The following STPG4 variants were observed in gnomAD, a reference collection of about 807,000 sequenced individuals.
The protein encoded by STPG4 is sperm-tail PG-rich repeat containing 4.
A neutral mutation model predicts 31.5 loss-of-function variants in STPG4; 41 were observed. That is an observed-to-expected ratio of 1.30 (90% CI 1.01 to 1.69). The LOEUF (loss-of-function observed/expected upper bound fraction) is 1.69, where lower values mean the gene tolerates loss of function less well. Among genes scored for constraint, STPG4 ranks in the 40% most tolerant of loss-of-function variants. The pLI is 0.00. For missense variants in STPG4, 375 were observed against 293.4 expected (o/e 1.28, Z -2.03); for synonymous variants, 141 against 103.0 (o/e 1.37, Z -2.24).
Position 47,155,247 on chromosome 2 carries a change from T to TCCATG in STPG4, c.-1_4dup (p.Asp2AlafsTer14). Reference sequence around the variant, plus strand: ...GGAAGCGGTGGCGACGGCTGGCTGGTCCATGGTGGCCTCCTCTCTCTCTAG... The same window carrying TCCATG: ...GGAAGCGGTGGCGACGGCTGGCTGGTCCATGCCATGGTGGCCTCCTCTCTCTCTAG... On this transcript the variant is annotated frameshift_variant, in exon 1 of 7. Coordinates refer to ENST00000445927, the MANE Select transcript of STPG4 (RefSeq NM_001163561.2). LOFTEE classifies it high-confidence loss of function. The TCCATG allele has an allele frequency of 2.5e-6, 4 of 1,613,994 alleles. No individual in the cohort carries two copies. The highest frequency in any genetic ancestry group is 3.4e-6 in the Non-Finnish European group (4 of 1,179,956).
chr2:47,091,748 C>T (rs755568060), intron 5 of STPG4, among the ~76,000 whole-genome samples: 10 of 152,076 alleles, frequency 6.6e-5, no homozygotes, highest in East Asian at 3.9e-4. Flanking sequence ...TTTCACAAAA[C>T]GGAGTTTAAG....
intron 5 of STPG4, among the ~76,000 whole-genome samples, chr2:47,113,763 A>G (rs895700973): frequency 6.6e-6 from 1 of 152,036 alleles, no homozygotes; most frequent in African/African-American, 2.4e-5. Flanking sequence ...GGCCGGGCGC[A>G]GTGGCTCATG....
chr2:47,118,163 G>T (rs1686189839), intron 5 of STPG4, among the ~76,000 whole-genome samples: 1 of 152,128 alleles, frequency 6.6e-6, no homozygotes, highest in South Asian at 2.1e-4. Context: ...GGGTGGGCGA[G>T]CAAGGGAGTG....
chr2:47,126,758 T>A (rs1172817110), intron 5 of STPG4, among the ~76,000 whole-genome samples: 1 of 152,210 alleles, frequency 6.6e-6, no homozygotes, highest in African/African-American at 2.4e-5. Flanking sequence ...TATTTATCCT[T>A]CACATTTTAA....
chr2:47,146,051 G>C (rs149734883), intron 3 of STPG4, among the ~76,000 whole-genome samples: 4 of 152,186 alleles, frequency 2.6e-5, no homozygotes, highest in Non-Finnish European at 5.9e-5. Flanking sequence ...TGAGGTAGGA[G>C]TGTGAGTGCT....
At chr2:47,123,381 T>A (rs572755741) in intron 5 of STPG4, among the ~76,000 whole-genome samples, 17 of 152,346 alleles carry the variant, frequency 1.1e-4, no homozygotes, top group Admixed American at 9.8e-4. Flanking sequence ...AAATACTATG[T>A]GCCAGTCACT....
chr2:47,113,800 C>T (rs986488898), intron 5 of STPG4, among the ~76,000 whole-genome samples: 5 of 151,338 alleles, frequency 3.3e-5, no homozygotes, highest in South Asian at 2.1e-4. Flanking sequence ...TTTGGGAGGC[C>T]GAGGCAGGTG....
At chr2:47,146,116 T>A (rs893821413) in intron 3 of STPG4, among the ~76,000 whole-genome samples, 2 of 151,076 alleles carry the variant, frequency 1.3e-5, no homozygotes, top group Middle Eastern at 3.4e-3. Flanking sequence ...TGACAGGGAG[T>A]AGTAAGACAA....
At chr2:47,120,437 T>C (rs1249562044) in intron 5 of STPG4, among the ~76,000 whole-genome samples, 3 of 151,688 alleles carry the variant, frequency 2.0e-5, no homozygotes, top group Non-Finnish European at 4.4e-5. Context: ...AAATTTAGGA[T>C]AAGAATGTGG....
intron 3 of STPG4, among the ~76,000 whole-genome samples, chr2:47,132,958 T>A (rs1686516083): frequency 6.6e-6 from 1 of 152,176 alleles, no homozygotes; most frequent in African/African-American, 2.4e-5. Flanking sequence ...ACCTGTAACA[T>A]CTATATTTGT....
chr2:47,147,438 G>C (rs988326661), intron 3 of STPG4, among the ~76,000 whole-genome samples: 2 of 152,096 alleles, frequency 1.3e-5, no homozygotes, highest in African/African-American at 4.8e-5. Flanking sequence ...CGAAAAGGTG[G>C]GACAATCAAT....
chr2:47,142,464 TA>T (rs556882498), intron 3 of STPG4, among the ~76,000 whole-genome samples: 285 of 152,302 alleles, frequency 1.9e-3, no homozygotes, highest in African/African-American at 6.6e-3. Flanking sequence ...AGAATTTTTT[TA>T]AAATGGAACA....
At chr2:47,121,173 T>C (rs947132494) in intron 5 of STPG4, 2 of 154,260 alleles carry the variant, frequency 1.3e-5, no homozygotes, top group Admixed American at 6.6e-5. Context: ...GAAGGTCTGG[T>C]TGAATATTTT....
At chr2:47,127,423 C>A (rs1686388443) in intron 5 of STPG4, among the ~76,000 whole-genome samples, 1 of 152,036 alleles carries the variant, frequency 6.6e-6, no homozygotes, top group Non-Finnish European at 1.5e-5. Context: ...TGTGCACCAC[C>A]ACACTCAGAT....
chr2:47,087,106 T>TA lies in STPG4; in HGVS notation c.648dup (p.Thr217TyrfsTer8), dbSNP rs1467299861. On this transcript the variant is annotated frameshift_variant, in exon 7 of 7. Transcript: ENST00000445927. LOFTEE classifies it high-confidence loss of function. ...TGCTTAGGGAATTGTCTTAAAGTTG[T>TA]ATATGCTCCTGGGCCTGGGGTTTTC... 6.4e-7 allele frequency: 1 copy of TA among 1,551,830 alleles called. No individual in the cohort carries two copies. Among genetic ancestry groups the TA allele is most frequent in the Admixed American group, 2.0e-5 (1 of 51,006 alleles).
chr2:47,130,585 C>T (rs571977109), intron 3 of STPG4, among the ~76,000 whole-genome samples: 206 of 151,768 alleles, frequency 1.4e-3, no homozygotes, highest in Non-Finnish European at 2.4e-3. Flanking sequence ...GCGTGATTTC[C>T]GCTCGCTGCA....
At chr2:47,114,856 C>T (rs1205115971) in intron 5 of STPG4, among the ~76,000 whole-genome samples, 1 of 152,128 alleles carries the variant, frequency 6.6e-6, no homozygotes, top group African/African-American at 2.4e-5. Context: ...AAACCTCCAT[C>T]TTCCGGGTTC....
Position 47,151,424 on chromosome 2 carries a change from T to C in STPG4, c.233A>G (p.Glu78Gly), listed in dbSNP as rs1427190996. 1 of 1,614,218 alleles carries C rather than the reference T, an allele frequency of 6.2e-7. No homozygotes were observed. The highest frequency in any genetic ancestry group is 8.5e-7 in the Non-Finnish European group (1 of 1,180,046). Reference protein sequence around the residue: ...PVIATYNFKNEGRKKPPLVQR... With the variant: ...PVIATYNFKNGGRKKPPLVQR... ...CACAAGAGGTGGCTTTTTCCTTCCT[T>C]CGTTTTTAAAATTGTAGGTTGCTAT... Residue 78 changes from glutamate to glycine, a missense_variant, in exon 3 of 7, where the codon GAA (glutamate) becomes GGA (glycine). Coordinates refer to ENST00000445927, the MANE Select transcript of STPG4 (RefSeq NM_001163561.2).
intron 5 of STPG4, among the ~76,000 whole-genome samples, chr2:47,120,235 G>A (rs1306620334): frequency 2.0e-5 from 3 of 152,198 alleles, no homozygotes; most frequent in Non-Finnish European, 4.4e-5. Context: ...GGAGGCTGAG[G>A]CAGGAGAATC....
Sources: allele counts gnomAD v4.1 joint callset (sites outside exome capture counted in the v4.1 genomes callset), GRCh38; gene constraint gnomAD v4.1.1; transcripts MANE v1.5; gene names NCBI Gene and HGNC (gene_info 2026-07-23, HGNC 2026-07-21).